The following ADGRL4 variants were observed in gnomAD, a reference collection of about 807,000 sequenced individuals.
The protein encoded by ADGRL4 is EGF, latrophilin and seven transmembrane domain containing 1.
In ADGRL4, 90 loss-of-function variants were observed where a neutral mutation model predicts 74.8. That is an observed-to-expected ratio of 1.20 (90% CI 1.02 to 1.43). ADGRL4 has a LOEUF of 1.43. Among genes scored for constraint, ADGRL4 ranks in the 40% most tolerant of loss-of-function variants. The pLI, the probability that ADGRL4 is intolerant of heterozygous loss-of-function variation, is 0.00. For synonymous variants in ADGRL4, 311 were observed against 279.2 expected (o/e 1.11, Z -1.14); for missense variants, 881 against 814.3 (o/e 1.08, Z -1.00).
chr1:78,955,404 T>A (rs1027183811), intron 2 of ADGRL4, among the ~76,000 whole-genome samples: 4 of 152,144 alleles, frequency 2.6e-5, no homozygotes, highest in African/African-American at 9.6e-5. Flanking sequence ...GTTTGTTTTA[T>A]TTACTTGTTT....
At chr1:78,990,806 T>A (rs900178293) in intron 2 of ADGRL4, among the ~76,000 whole-genome samples, 1 of 151,950 alleles carries the variant, frequency 6.6e-6, no homozygotes, top group African/African-American at 2.4e-5. Context: ...GTTGTACTTT[T>A]AAAAAATATT....
rs577467637 is a variant in ADGRL4, at chr1:78,923,054, T to C, written c.1084-1268A>G. Among the ~76,000 whole-genome samples the C allele has an allele frequency of 1.3e-3, 197 of 152,096 alleles. 1 individual carries two copies. The highest frequency in any genetic ancestry group is 4.5e-3 in the African/African-American group (187 of 41,524). On this transcript the variant is annotated intron_variant, in intron 8 of 14. Transcript: ENST00000370742. ...TTTGTCTGGAATGAGTCTGGAAAGA[T>C]AATTGAGTTAAAATTGGAGAGATTG... is the stretch of plus-strand genomic sequence containing the variant.
chr1:78,931,635 C>T (rs1458187545), intron 7 of ADGRL4, among the ~76,000 whole-genome samples: 2 of 151,084 alleles, frequency 1.3e-5, no homozygotes, highest in African/African-American at 4.9e-5. Context: ...CACAGACTGG[C>T]AAATTGGATA....
chr1:78,896,941 G>A (rs1366618819), intron 12 of ADGRL4, among the ~76,000 whole-genome samples: 1 of 151,980 alleles, frequency 6.6e-6, no homozygotes, highest in African/African-American at 2.4e-5. Flanking sequence ...CATGCCATAG[G>A]GCAGTTGAAT....
chr1:78,910,314 G>A (rs375046919), intron 12 of ADGRL4, among the ~76,000 whole-genome samples: 39 of 151,770 alleles, frequency 2.6e-4, no homozygotes, highest in African/African-American at 8.0e-4. Context: ...CCTGGTGAAA[G>A]GGAATTAGAT....
chr1:78,983,091 C>T (rs1252243508), intron 2 of ADGRL4, among the ~76,000 whole-genome samples: 1 of 151,740 alleles, frequency 6.6e-6, no homozygotes, highest in Non-Finnish European at 1.5e-5. Flanking sequence ...GAAAGTGACC[C>T]TGAGGTGGTG....
intron 2 of ADGRL4, among the ~76,000 whole-genome samples, chr1:79,002,111 G>A (rs1039700919): frequency 3.3e-5 from 5 of 151,920 alleles, no homozygotes; most frequent in South Asian, 2.1e-4. Flanking sequence ...TCCACTTAAC[G>A]TTAATTCCGC....
At chr1:78,994,974 G>T (rs1162897201) in intron 2 of ADGRL4, among the ~76,000 whole-genome samples, 2 of 152,146 alleles carry the variant, frequency 1.3e-5, no homozygotes, top group Non-Finnish European at 2.9e-5. Flanking sequence ...TTTTGGAATT[G>T]CAACACAAAG....
intron 2 of ADGRL4, among the ~76,000 whole-genome samples, chr1:78,950,880 T>C (rs973657665): frequency 3.3e-5 from 5 of 152,164 alleles, no homozygotes; most frequent in African/African-American, 4.8e-5. Context: ...AGGAGGAACA[T>C]TCTTGCAGGG....
intron 2 of ADGRL4, among the ~76,000 whole-genome samples, chr1:78,965,950 G>T (rs1035214697): frequency 3.4e-5 from 5 of 148,992 alleles, no homozygotes; most frequent in Non-Finnish European, 5.9e-5. Context: ...CAATGAAAAA[G>T]TAAGGTTTAT....
At chr1:78,891,383 G>A (rs964717377) in intron 14 of ADGRL4, 141 bp downstream of exon 14, 12 of 1,215,138 alleles carry the variant, frequency 9.9e-6, no homozygotes, top group Non-Finnish European at 1.4e-5. Context: ...TCTTTTAAAA[G>A]CATATTTTCC....
In ADGRL4 at chr1:78,937,793, C is replaced by T. The variant is rs200919611; in HGVS notation, c.760+14G>A. On this transcript the variant is annotated intron_variant, in intron 6 of 14. Coordinates refer to ENST00000370742, the MANE Select transcript of ADGRL4 (RefSeq NM_022159.4). Reference sequence around the variant, plus strand: ...GAAAACACAATTACTTTTAAATGGACCCTTGTTTCTTACCTATATCCGTTG... The same window carrying T: ...GAAAACACAATTACTTTTAAATGGATCCTTGTTTCTTACCTATATCCGTTG... The T allele has an allele frequency of 3.2e-4, 504 of 1,596,096 alleles. No individual in the cohort carries two copies. The highest frequency in any genetic ancestry group is 4.0e-4 in the Non-Finnish European group (471 of 1,174,424).
At chr1:78,911,184 C>G (rs910152010) in intron 12 of ADGRL4, among the ~76,000 whole-genome samples, 1 of 151,782 alleles carries the variant, frequency 6.6e-6, no homozygotes, top group African/African-American at 2.4e-5. Context: ...AATTCTTACT[C>G]TAGAAGTCCT....
chr1:78,971,115 C>A (rs565782679), intron 2 of ADGRL4, among the ~76,000 whole-genome samples: 1 of 152,146 alleles, frequency 6.6e-6, no homozygotes, highest in African/African-American at 2.4e-5. Context: ...GTGACTGGAG[C>A]CTTGGAAAAT....
chr1:78,989,225 C>T (rs994921189), intron 2 of ADGRL4, among the ~76,000 whole-genome samples: 2 of 151,592 alleles, frequency 1.3e-5, no homozygotes, highest in Non-Finnish European at 3.0e-5. Context: ...CTTTTAAAAT[C>T]TATTTTTGTA....
chr1:78,992,320 G>C (rs1473692839), intron 2 of ADGRL4, among the ~76,000 whole-genome samples: 1 of 151,902 alleles, frequency 6.6e-6, no homozygotes, highest in Non-Finnish European at 1.5e-5. Context: ...CGGATTTCTT[G>C]GTAATATAAA....
At chr1:78,924,211 A>T (rs1414877295) in intron 8 of ADGRL4, among the ~76,000 whole-genome samples, 1 of 152,064 alleles carries the variant, frequency 6.6e-6, no homozygotes, top group East Asian at 1.9e-4. Flanking sequence ...AGAAAAAAAT[A>T]TAACTCTGTA....
chr1:78,945,177 A>AAAAAAAAAATATATATATAT (rs376405445), intron 3 of ADGRL4, among the ~76,000 whole-genome samples: 8 of 127,918 alleles, frequency 6.3e-5, no homozygotes, highest in Non-Finnish European at 1.1e-4. Context: ...AAAAAAAAAA[A>AAAAAAAAAATATATATATAT]ATATATATAT....
At chr1:78,895,111 G>A (rs1176657616) in intron 12 of ADGRL4, among the ~76,000 whole-genome samples, 1 of 151,842 alleles carries the variant, frequency 6.6e-6, no homozygotes, top group Admixed American at 6.6e-5. Flanking sequence ...TGGGCAAGTG[G>A]GAGACTAATT....
Sources: allele counts gnomAD v4.1 joint callset (sites outside exome capture counted in the v4.1 genomes callset), GRCh38; gene constraint gnomAD v4.1.1; transcripts MANE v1.5; gene names NCBI Gene and HGNC (gene_info 2026-07-23, HGNC 2026-07-21).